SUPT3H: variants seen among roughly 807,000 people sequenced by gnomAD.
SUPT3H encodes the protein transcription initiation protein SPT3 homolog.
A neutral mutation model predicts 44.3 loss-of-function variants in SUPT3H; 44 were observed. That is an observed-to-expected ratio of 0.99 (90% CI 0.78 to 1.28). The LOEUF (loss-of-function observed/expected upper bound fraction) is 1.28, where lower values mean the gene tolerates loss of function less well. SUPT3H is among the 50% of genes most tolerant of loss of function. SUPT3H has a pLI of 0.00. For missense variants in SUPT3H, 380 were observed against 387.1 expected (o/e 0.98, Z 0.15); for synonymous variants, 124 against 125.6 (o/e 0.99, Z 0.09).
chr6:45,350,526 C>G (rs1430933618), intron 2 of SUPT3H, among the ~76,000 whole-genome samples: 1 of 152,022 alleles, frequency 6.6e-6, no homozygotes, highest in Non-Finnish European at 1.5e-5. Context: ...CACAGAAGAC[C>G]AATAATAGTC....
At chr6:45,062,814 C>T (rs1240912031) in intron 3 of SUPT3H, among the ~76,000 whole-genome samples, 1 of 152,020 alleles carries the variant, frequency 6.6e-6, no homozygotes, top group Non-Finnish European at 1.5e-5. Context: ...GGTCCTACGC[C>T]CACGGAGTCT....
At chr6:44,918,978 T>C (rs768545112) in intron 10 of SUPT3H, among the ~76,000 whole-genome samples, 7 of 152,182 alleles carry the variant, frequency 4.6e-5, no homozygotes, top group African/African-American at 7.2e-5. Context: ...GAAGTGCTTA[T>C]TGAGGTGGAA....
chr6:44,883,566 C>T (rs941433979), intron 10 of SUPT3H, among the ~76,000 whole-genome samples: 2 of 152,114 alleles, frequency 1.3e-5, no homozygotes, highest in African/African-American at 4.8e-5. Flanking sequence ...GCTCATATAG[C>T]TAAGACAGTC....
At chr6:45,241,428 T>C (rs148409932) in intron 2 of SUPT3H, among the ~76,000 whole-genome samples, 4,719 of 152,276 alleles carry the variant, frequency 0.031, 117 homozygotes, top group Admixed American at 0.069. Flanking sequence ...TAAGGACATG[T>C]TTCTGCTGCA....
At chr6:45,156,779 TTTTGA>T (rs1807897584) in intron 2 of SUPT3H, among the ~76,000 whole-genome samples, 1 of 151,800 alleles carries the variant, frequency 6.6e-6, no homozygotes, top group Non-Finnish European at 1.5e-5. Flanking sequence ...ATGATGAAGT[TTTTGA>T]TTTTTTTATC....
rs1370561748 is a variant in SUPT3H at position 45,023,728 on chromosome 6, A to G, written c.187-3096T>C. Among the ~76,000 whole-genome samples the G allele has an allele frequency of 5.9e-4, 9 of 15,320 alleles. No homozygotes were observed. In the East Asian group the frequency reaches 0.035, roughly 60 times the overall value. The allele number at this position is 15,320 out of a possible 152,430, so 10.1% of individuals were successfully genotyped here. A position where few individuals can be genotyped will look rare whatever the true frequency, so the allele number is the denominator to read the frequency against. On this transcript the variant is annotated intron_variant, in intron 3 of 10. Transcript: ENST00000371459. ...TAAATGATGAGCACTTATGAACACA[A>G]AAAAGGAAACATAGACACTGGGGCC...
chr6:45,241,017 A>G (rs1440625316), intron 2 of SUPT3H, among the ~76,000 whole-genome samples: 2 of 152,220 alleles, frequency 1.3e-5, no homozygotes, highest in Non-Finnish European at 2.9e-5. Context: ...CTAGTAACCC[A>G]TTAAAAAGGA....
At chr6:45,299,565 C>T (rs1246724063) in intron 2 of SUPT3H, among the ~76,000 whole-genome samples, 1 of 151,864 alleles carries the variant, frequency 6.6e-6, no homozygotes, top group Non-Finnish European at 1.5e-5. Context: ...AGGAGGAATA[C>T]TGTACACAGT....
At chr6:44,889,160 AG>A (rs1762845533) in intron 10 of SUPT3H, among the ~76,000 whole-genome samples, 1 of 152,234 alleles carries the variant, frequency 6.6e-6, no homozygotes, top group South Asian at 2.1e-4. Context: ...ATGGGTAGGA[AG>A]AATCAATATT....
intron 2 of SUPT3H, among the ~76,000 whole-genome samples, chr6:45,146,489 A>G (rs1806092290): frequency 6.6e-6 from 1 of 152,116 alleles, no homozygotes; most frequent in Non-Finnish European, 1.5e-5. Context: ...CATATGCTGC[A>G]TGGGTGACGG....
chr6:45,022,945 T>C (rs557628440), intron 3 of SUPT3H, among the ~76,000 whole-genome samples: 2 of 152,116 alleles, frequency 1.3e-5, no homozygotes, highest in Admixed American at 1.3e-4. Flanking sequence ...TGCATATAAG[T>C]GGGACCATGC....
chr6:45,057,191 G>A (rs964439043), intron 3 of SUPT3H, among the ~76,000 whole-genome samples: 1 of 152,032 alleles, frequency 6.6e-6, no homozygotes, highest in Non-Finnish European at 1.5e-5. Context: ...TGATTTCTTT[G>A]ATAATGTTTT....
At chr6:44,994,137 T>C (rs897968121) in intron 6 of SUPT3H, among the ~76,000 whole-genome samples, 4 of 152,160 alleles carry the variant, frequency 2.6e-5, no homozygotes, top group Admixed American at 6.6e-5. Context: ...CTTTACTAGA[T>C]ACTTACTTTT....
chr6:45,007,992 T>A (rs1014070423), intron 5 of SUPT3H, among the ~76,000 whole-genome samples: 4 of 152,216 alleles, frequency 2.6e-5, no homozygotes, highest in African/African-American at 9.6e-5. Context: ...GGTTCATCCA[T>A]GTTTTAGCAT....
At chr6:45,184,517 G>T (rs1447403089) in intron 2 of SUPT3H, among the ~76,000 whole-genome samples, 1 of 151,908 alleles carries the variant, frequency 6.6e-6, no homozygotes, top group Non-Finnish European at 1.5e-5. Context: ...TATTTTGAAG[G>T]CTCTCTGGTT....
chr6:44,817,722 T>A (rs1484448742), intron 11 of SUPT3H, among the ~76,000 whole-genome samples: 1 of 152,042 alleles, frequency 6.6e-6, no homozygotes, highest in Admixed American at 6.6e-5. Flanking sequence ...ATGAAAAAAA[T>A]TTAAATATTT....
intron 2 of SUPT3H, among the ~76,000 whole-genome samples, chr6:45,106,683 C>A (rs933962265): frequency 2.6e-5 from 4 of 152,010 alleles, no homozygotes; most frequent in African/African-American, 7.3e-5. Context: ...ACTACAGGCG[C>A]GTGCCACCAC....
In SUPT3H at chr6:45,370,306, G is replaced by T. The variant is rs555619922; in HGVS notation, c.1-5005C>A. 1.2e-4 allele frequency among the ~76,000 whole-genome samples: 19 copies of T among 152,184 alleles called. No individual in the cohort carries two copies. The South Asian group carries it at 3.1e-3, about 25-fold the overall frequency. On this transcript the variant is annotated intron_variant, in intron 1 of 10. Coordinates refer to ENST00000371459, the MANE Select transcript of SUPT3H (RefSeq NM_003599.4). Reference sequence around the variant, plus strand: ...ATTACACGTGGGGTGTGAGAGAAGCGCAGTCAAGGATGACCGAATTCTGGA... The same window carrying T: ...ATTACACGTGGGGTGTGAGAGAAGCTCAGTCAAGGATGACCGAATTCTGGA...
chr6:44,835,203 G>A (rs1443346699), intron 10 of SUPT3H, among the ~76,000 whole-genome samples: 2 of 152,086 alleles, frequency 1.3e-5, no homozygotes, highest in Admixed American at 1.3e-4. Context: ...ATTTTGGGTT[G>A]AGCAAATAAT....
Sources: gnomAD v4.1 joint callset for allele counts (sites outside exome capture counted in the v4.1 genomes callset) on GRCh38, gnomAD v4.1.1 for gene constraint, MANE v1.5 for transcripts, NCBI Gene and HGNC (gene_info 2026-07-23, HGNC 2026-07-21) for gene names.